The following NCKAP5 variants were observed in gnomAD, a reference collection of about 807,000 sequenced individuals.
NCKAP5 encodes the protein nck-associated protein 5.
A neutral mutation model predicts 167.0 loss-of-function variants in NCKAP5; 92 were observed. That is an observed-to-expected ratio of 0.55 (90% CI 0.47 to 0.66). The LOEUF (loss-of-function observed/expected upper bound fraction) is 0.66, where lower values mean the gene tolerates loss of function less well. Among genes scored for constraint, NCKAP5 ranks in the 30% least tolerant of loss-of-function variants. The probability of loss-of-function intolerance (pLI) is 0.00; values close to 1 mark genes in which losing one functional copy is unlikely to be tolerated. For missense variants in NCKAP5, 2,378 were observed against 2,315.0 expected (o/e 1.03, Z -0.56); for synonymous variants, 891 against 877.4 (o/e 1.02, Z -0.27).
chr2:133,385,449 CA>C (rs1353313114), intron 3 of NCKAP5, among the ~76,000 whole-genome samples: 4 of 152,130 alleles, frequency 2.6e-5, no homozygotes, highest in African/African-American at 7.2e-5. Flanking sequence ...TTCGGTTTGC[CA>C]GTATTTTATT....
At chr2:133,483,408 C>T (rs1680628679) in intron 3 of NCKAP5, among the ~76,000 whole-genome samples, 2 of 152,160 alleles carry the variant, frequency 1.3e-5, no homozygotes, top group Non-Finnish European at 2.9e-5. Context: ...TCTCTCCATA[C>T]AGGAGCAGTC....
At chr2:132,790,639 G>A (rs547776485) in intron 12 of NCKAP5, among the ~76,000 whole-genome samples, 54 of 152,234 alleles carry the variant, frequency 3.5e-4, no homozygotes, top group African/African-American at 1.2e-3. Context: ...TGTATGGTAT[G>A]GTATGATAAT....
intron 6 of NCKAP5, among the ~76,000 whole-genome samples, chr2:132,995,868 G>A (rs890807908): frequency 5.3e-5 from 8 of 151,838 alleles, no homozygotes; most frequent in Non-Finnish European, 7.4e-5. Context: ...CAGCTACTCC[G>A]GAGGCTGAGG....
intron 7 of NCKAP5, among the ~76,000 whole-genome samples, chr2:132,973,737 A>C (rs918548583): frequency 4.6e-5 from 7 of 151,696 alleles, no homozygotes; most frequent in South Asian, 2.1e-4. Flanking sequence ...AAAAAAAAAA[A>C]CACAAAAAAA....
chr2:133,366,610 AT>A lies in NCKAP5; in HGVS notation c.70-63501del, dbSNP rs1428282403. Among the ~76,000 whole-genome samples the A allele has an allele frequency of 7.9e-5, 12 of 152,344 alleles. No individual in the cohort carries two copies. In the East Asian group the frequency reaches 9.7e-4, roughly 12 times the overall value. On this transcript the variant is annotated intron_variant, in intron 3 of 19. Coordinates refer to ENST00000409261, the MANE Select transcript of NCKAP5 (RefSeq NM_207363.3). ...AGTTACTGCACCTGGCCTTAAAAAA[AT>A]ATTTGAATCAAATATTGGCAACTAA...
chr2:133,186,610 C>A (rs1303933566), intron 5 of NCKAP5, among the ~76,000 whole-genome samples: 6 of 151,892 alleles, frequency 4.0e-5, no homozygotes, highest in Non-Finnish European at 5.9e-5. Flanking sequence ...AGATTTTTTA[C>A]CACTGATTCA....
In NCKAP5 at chr2:132,785,693, C is replaced by T. The variant is rs943331789; in HGVS notation, c.1118G>A (p.Arg373Lys). ...KRQSSQNWDKRLSIDSSLPSG... is the reference protein window; with the variant it reads ...KRQSSQNWDKKLSIDSSLPSG... ...TGGGAGCGAAGAATCAATACTTAGC[C>T]TTTTATCCCAGTTTTGTGATGATTG... The change falls in exon 14 of 20, where the codon AGG becomes AAG. Residue 373 changes from arginine (R) to lysine (K), a missense_variant. Around this residue, in one of 3 missense-constraint regions of NCKAP5, gnomAD observed 1,049 missense variants for 1,023.4 expected, o/e 1.02. Coordinates refer to ENST00000409261, the MANE Select transcript of NCKAP5 (RefSeq NM_207363.3). 4 of 1,495,758 alleles carry T rather than the reference C, an allele frequency of 2.7e-6. No homozygotes were observed. Among genetic ancestry groups the T allele is most frequent in the Middle Eastern group, 3.6e-4 (2 of 5,514 alleles). 92.7% of individuals were successfully genotyped at this position (1,495,758 alleles called of 1,614,324 possible).
chr2:133,561,612 T>C (rs1432598477), intron 1 of NCKAP5, among the ~76,000 whole-genome samples: 1 of 152,208 alleles, frequency 6.6e-6, no homozygotes, highest in East Asian at 1.9e-4. Context: ...ACCAGATCGT[T>C]TCTATTTACC....
chr2:133,437,061 A>C (rs930762161), intron 3 of NCKAP5, among the ~76,000 whole-genome samples: 7 of 152,158 alleles, frequency 4.6e-5, no homozygotes, highest in African/African-American at 1.7e-4. Context: ...GCTCAAAAAA[A>C]TTAATGAAGG....
intron 4 of NCKAP5, among the ~76,000 whole-genome samples, chr2:133,246,845 G>A (rs2088024165): frequency 6.6e-6 from 1 of 152,136 alleles, no homozygotes; most frequent in Non-Finnish European, 1.5e-5. Context: ...GAGCAAACAG[G>A]TAGTGTTAAA....
intron 3 of NCKAP5, among the ~76,000 whole-genome samples, chr2:133,376,260 T>C (rs563296411): frequency 1.3e-5 from 2 of 152,284 alleles, no homozygotes; most frequent in African/African-American, 4.8e-5. Context: ...TTATCAGAAA[T>C]TGGAAATAAA....
At chr2:133,152,534 T>C (rs1367037478) in intron 5 of NCKAP5, among the ~76,000 whole-genome samples, 2 of 152,172 alleles carry the variant, frequency 1.3e-5, no homozygotes, top group African/African-American at 4.8e-5. Flanking sequence ...TGAAGAAAAA[T>C]TATAATTTCT....
chr2:133,481,410 T>C (rs1229023585), intron 3 of NCKAP5, among the ~76,000 whole-genome samples: 1 of 152,204 alleles, frequency 6.6e-6, no homozygotes, highest in Non-Finnish European at 1.5e-5. Context: ...GTCAGGGCAT[T>C]TAGGGTGTCC....
intron 4 of NCKAP5, among the ~76,000 whole-genome samples, chr2:133,259,862 C>T (rs72985689): frequency 0.026 from 3,905 of 152,186 alleles, 150 homozygotes; most frequent in African/African-American, 0.084. Context: ...TTCCTTTCTA[C>T]GTGTCTTCTA....
At chr2:133,332,790 C>T (rs1052514337) in intron 3 of NCKAP5, among the ~76,000 whole-genome samples, 7 of 152,196 alleles carry the variant, frequency 4.6e-5, no homozygotes, top group African/African-American at 1.4e-4. Flanking sequence ...TGGAAGCTTT[C>T]CTTCACCTCA....
intron 4 of NCKAP5, among the ~76,000 whole-genome samples, chr2:133,288,010 G>C (rs1679284839): frequency 6.6e-6 from 1 of 152,142 alleles, no homozygotes; most frequent in South Asian, 2.1e-4. Flanking sequence ...CCAGGACTCA[G>C]ATTTCCATGG....
At chr2:133,617,315 G>A in the NCKAP5 span, among the ~76,000 whole-genome samples, 1 of 151,996 alleles carries the variant, frequency 6.6e-6, no homozygotes, top group Non-Finnish European at 1.5e-5. Flanking sequence ...CAATTAGGCA[G>A]GAGAAGGAAA....
At chr2:132,981,463 T>C (rs1361764659) in intron 7 of NCKAP5, among the ~76,000 whole-genome samples, 5 of 152,224 alleles carry the variant, frequency 3.3e-5, no homozygotes, top group Non-Finnish European at 5.9e-5. Context: ...GCATGTGGCA[T>C]GTGACAAGCC....
At chr2:132,720,600 C>T (rs1689816775) in intron 19 of NCKAP5, among the ~76,000 whole-genome samples, 1 of 152,086 alleles carries the variant, frequency 6.6e-6, no homozygotes, top group African/African-American at 2.4e-5. Context: ...GGAGCCAGGG[C>T]CAATGGGAGT....
Sources: allele counts gnomAD v4.1 joint callset (sites outside exome capture counted in the v4.1 genomes callset), GRCh38; gene constraint gnomAD v4.1.1; regional missense constraint gnomAD v4.1.1; transcripts MANE v1.5; gene names NCBI Gene and HGNC (gene_info 2026-07-23, HGNC 2026-07-21).